The following KDM4C variants were observed in gnomAD, a reference collection of about 807,000 sequenced individuals.
KDM4C encodes lysine-specific demethylase 4C.
A neutral mutation model predicts 129.3 loss-of-function variants in KDM4C; 81 were observed. The ratio of observed to expected loss-of-function variants is 0.63; its 90% CI spans 0.52 to 0.75. The LOEUF is 0.75. KDM4C is among the 30% of genes least tolerant of loss of function. KDM4C has a pLI of 0.00. For synonymous variants in KDM4C, 573 were observed against 456.1 expected, an observed-to-expected ratio of 1.26 and a Z score of -3.26; for missense variants, 1,457 against 1,304.0, an observed-to-expected ratio of 1.12 and a Z score of -1.81.
intron 1 of KDM4C, among the ~76,000 whole-genome samples, chr9:6,760,286 C>T (rs1819148876): frequency 1.3e-5 from 2 of 151,970 alleles, no homozygotes; most frequent in South Asian, 4.1e-4. Context: ...TGTATCAGTA[C>T]TTCATTCCTT....
At chr9:6,769,206 G>GT (rs933564971) in intron 1 of KDM4C, among the ~76,000 whole-genome samples, 136 of 148,150 alleles carry the variant, frequency 9.2e-4, no homozygotes, top group South Asian at 4.3e-3. Context: ...TAAGCTTGCT[G>GT]TTTTTTTTTT....
At chr9:6,974,873 A>T (rs1832674383) in intron 8 of KDM4C, 1 of 152,178 alleles carries the variant, frequency 6.6e-6, no homozygotes, top group Non-Finnish European at 1.5e-5. Context: ...TTTACATGGC[A>T]CAGCAGGAGT....
chr9:6,857,819 A>G (rs1267547175), intron 5 of KDM4C, among the ~76,000 whole-genome samples: 7 of 149,938 alleles, frequency 4.7e-5, no homozygotes, highest in East Asian at 1.9e-4. Flanking sequence ...CAGTGGTGCA[A>G]TCTTGGCTCA....
chr9:7,152,542 T>C (rs970542427), intron 19 of KDM4C, among the ~76,000 whole-genome samples: 1 of 152,164 alleles, frequency 6.6e-6, no homozygotes, highest in Non-Finnish European at 1.5e-5. Context: ...CAGGGGCTGA[T>C]GAGAGAGAGA....
intron 17 of KDM4C, among the ~76,000 whole-genome samples, chr9:7,079,811 T>C (rs1023160056): frequency 6.6e-6 from 1 of 152,218 alleles, no homozygotes; most frequent in African/African-American, 2.4e-5. Context: ...TGCACTGATA[T>C]CTCTTAGAGA....
chr9:7,145,647 G>A (rs1041732534), intron 19 of KDM4C, among the ~76,000 whole-genome samples: 14 of 152,182 alleles, frequency 9.2e-5, no homozygotes, highest in Admixed American at 9.2e-4. Context: ...AGGAAGCAAG[G>A]GCTTCTTTCT....
intron 8 of KDM4C, among the ~76,000 whole-genome samples, chr9:6,945,265 A>G (rs1826757854): frequency 6.6e-6 from 1 of 152,198 alleles, no homozygotes; most frequent in South Asian, 2.1e-4. Flanking sequence ...TAACATGAAT[A>G]TAATTTATCT....
chr9:6,752,598 C>CG (rs1563928719), intron 1 of KDM4C, among the ~76,000 whole-genome samples: 1 of 151,344 alleles, frequency 6.6e-6, no homozygotes, highest in East Asian at 2.0e-4. Flanking sequence ...TTAGTAGAGA[C>CG]GGAGTTTCAC....
chr9:6,790,033 G>C (rs1365503768), intron 1 of KDM4C, among the ~76,000 whole-genome samples: 1 of 149,868 alleles, frequency 6.7e-6, no homozygotes, highest in Non-Finnish European at 1.5e-5. Flanking sequence ...CAGCACTTTG[G>C]GAGGCCGAGG....
At chr9:7,001,847 C>CTAATTGTATA (rs1430852398) in intron 12 of KDM4C, among the ~76,000 whole-genome samples, 1 of 151,826 alleles carries the variant, frequency 6.6e-6, no homozygotes, top group Non-Finnish European at 1.5e-5. Flanking sequence ...ATTGTATATG[C>CTAATTGTATA]TGTTAATGAA....
intron 9 of KDM4C, 150 bp downstream of exon 9, chr9:6,981,268 T>G: frequency 1.6e-6 from 1 of 625,488 alleles, no homozygotes; most frequent in East Asian, 2.8e-5. Flanking sequence ...TTTTAATTCT[T>G]AGGTGTGTAA....
chr9:7,167,968 G>A (rs1341215216), intron 20 of KDM4C, among the ~76,000 whole-genome samples: 1 of 152,192 alleles, frequency 6.6e-6, no homozygotes, highest in Non-Finnish European at 1.5e-5. Flanking sequence ...GATCATCTGA[G>A]GTCAGGAGTT....
chr9:6,858,695 C>T (rs4565512), intron 5 of KDM4C, among the ~76,000 whole-genome samples: 1 of 151,974 alleles, frequency 6.6e-6, no homozygotes, highest in South Asian at 2.1e-4. Context: ...ATCGCTTCAC[C>T]TGGGAGGTGG....
intron 2 of KDM4C, among the ~76,000 whole-genome samples, chr9:6,796,242 C>T (rs542530955): frequency 1.3e-5 from 2 of 152,182 alleles, no homozygotes; most frequent in South Asian, 2.1e-4. Flanking sequence ...GTCAGGAGTT[C>T]GAGACCAGCC....
chr9:6,865,716 C>G (rs992978021), intron 5 of KDM4C, among the ~76,000 whole-genome samples: 2 of 151,786 alleles, frequency 1.3e-5, no homozygotes, highest in African/African-American at 4.8e-5. Context: ...AGGCATGTGC[C>G]ACCATGCCTA....
chr9:6,959,812 G>A (rs145385574), intron 8 of KDM4C, among the ~76,000 whole-genome samples: 2 of 152,118 alleles, frequency 1.3e-5, no homozygotes, highest in Non-Finnish European at 2.9e-5. Flanking sequence ...GTAATAAAAG[G>A]AAATGCCTGT....
At chr9:6,731,470 G>A (rs1817333141) in intron 1 of KDM4C, among the ~76,000 whole-genome samples, 1 of 151,818 alleles carries the variant, frequency 6.6e-6, no homozygotes, top group African/African-American at 2.4e-5. Flanking sequence ...GGGATTACAG[G>A]CATGCACTAC....
chr9:7,061,992 G>A (rs1018191066), intron 17 of KDM4C, among the ~76,000 whole-genome samples: 13 of 152,180 alleles, frequency 8.5e-5, no homozygotes, highest in African/African-American at 3.1e-4. Flanking sequence ...TCTTGAGACA[G>A]AGTCTGTCTC....
chr9:7,128,250 C>A lies in KDM4C; in HGVS notation c.2781+14C>A. The A allele has an allele frequency of 1.9e-6, 3 of 1,548,968 alleles. No individual in the cohort carries two copies. The highest frequency in any genetic ancestry group is 2.6e-6 in the Non-Finnish European group (3 of 1,145,320). On this transcript the variant is annotated intron_variant, in intron 19 of 21. Coordinates refer to ENST00000381309, the MANE Select transcript of KDM4C (RefSeq NM_015061.6). ...GAGGATATCGTGGTAAGTAGGCTTC[C>A]TTGAGTGCCTGCTACCCAGAGTAAT... is the stretch of plus-strand genomic sequence containing the variant.
Sources: gnomAD v4.1 joint callset for allele counts (sites outside exome capture counted in the v4.1 genomes callset) on GRCh38, gnomAD v4.1.1 for gene constraint, MANE v1.5 for transcripts, NCBI Gene and HGNC (gene_info 2026-07-23, HGNC 2026-07-21) for gene names.